The following MTRF1 variants were observed in gnomAD, a reference collection of about 807,000 sequenced individuals.
MTRF1 encodes mitochondrial translation release factor 1.
A neutral mutation model predicts 62.9 loss-of-function variants in MTRF1; 51 were observed. That is an observed-to-expected ratio of 0.81 (90% confidence interval 0.65 to 1.02). MTRF1 has a LOEUF of 1.02. Among genes scored for constraint, MTRF1 ranks in the 50% least tolerant of loss-of-function variants. The probability of loss-of-function intolerance (pLI) is 0.00; values close to 1 mark genes in which losing one functional copy is unlikely to be tolerated. For synonymous variants in MTRF1, 158 were observed against 181.9 expected (o/e 0.87, Z 1.06); for missense variants, 446 against 530.0 (o/e 0.84, Z 1.56).
the MTRF1 span, among the ~76,000 whole-genome samples, chr13:41,275,421 C>G: frequency 6.6e-6 from 1 of 151,906 alleles, no homozygotes; most frequent in East Asian, 1.9e-4. Context: ...AGGATGGCCT[C>G]CATCCCCTGA....
At chr13:41,220,603 T>C in intron 9 of MTRF1, 1 of 1,288,874 alleles carries the variant, frequency 7.8e-7, no homozygotes, top group Non-Finnish European at 1.0e-6. Context: ...GAATGTGGAA[T>C]GTGCAGGGTC....
chr13:41,228,076 G>T (rs1298126048), intron 7 of MTRF1, among the ~76,000 whole-genome samples: 2 of 152,116 alleles, frequency 1.3e-5, no homozygotes, highest in African/African-American at 4.8e-5. Flanking sequence ...ACTGATTTTT[G>T]CCTAAGCACC....
chr13:41,247,883 A>G (rs1392908279), intron 5 of MTRF1, among the ~76,000 whole-genome samples: 1 of 152,128 alleles, frequency 6.6e-6, no homozygotes, highest in Non-Finnish European at 1.5e-5. Flanking sequence ...GCATGAGCTA[A>G]AACTCATTGA....
chr13:41,240,222 G>C (rs760883164), intron 6 of MTRF1, 39 bp downstream of exon 6: 1 of 1,544,342 alleles, frequency 6.5e-7, no homozygotes. Flanking sequence ...AATACCCGTT[G>C]ACATGGAGTG....
chr13:41,268,644 A>G, the MTRF1 span, among the ~76,000 whole-genome samples: 1 of 152,228 alleles, frequency 6.6e-6, no homozygotes, highest in Non-Finnish European at 1.5e-5. Flanking sequence ...AAGGGGAAAC[A>G]AAACTTATAT....
Position 41,253,161 on chromosome 13 carries a change from C to T in MTRF1, c.508-131G>A, listed in dbSNP as rs534969077. On this transcript the variant is annotated intron_variant, in intron 3 of 9. Transcript: ENST00000379480. ...ATATAGTATCCCAAACAGGGTATTC[C>T]AAAAATGCTATAATAAGTAGAACTA... 28 of 637,864 alleles carry T rather than the reference C, an allele frequency of 4.4e-5. No homozygotes were observed. The South Asian group carries it at 6.2e-4, about 14-fold the overall frequency. 39.5% of individuals were successfully genotyped at this position (637,864 alleles called of 1,614,324 possible). A position where few individuals can be genotyped will look rare whatever the true frequency, so the allele number is the denominator to read the frequency against.
chr13:41,301,617 G>A, the MTRF1 span, among the ~76,000 whole-genome samples: 2 of 152,056 alleles, frequency 1.3e-5, no homozygotes, highest in African/African-American at 2.4e-5. Context: ...ATGTGGTGGT[G>A]GGCATCTATA....
At chr13:41,265,654 T>C (rs2040825896), upstream of MTRF1, among the ~76,000 whole-genome samples, 1 of 126,160 alleles carries the variant, frequency 7.9e-6, no homozygotes, top group South Asian at 2.9e-4. Flanking sequence ...CCAGAGATCT[T>C]GCTCACTGTC....
chr13:41,234,942 G>A (rs1380034732), intron 6 of MTRF1, among the ~76,000 whole-genome samples: 1 of 152,116 alleles, frequency 6.6e-6, no homozygotes, highest in Non-Finnish European at 1.5e-5. Context: ...TTTTAGTGGA[G>A]CAGCATCAGG....
intron 8 of MTRF1, among the ~76,000 whole-genome samples, chr13:41,223,734 G>T (rs1204556512): frequency 6.6e-6 from 1 of 152,118 alleles, no homozygotes; most frequent in Non-Finnish European, 1.5e-5. Flanking sequence ...AGTTTACTAT[G>T]CCAGGCTTTG....
chr13:41,289,775 A>T, the MTRF1 span, among the ~76,000 whole-genome samples: 9 of 152,224 alleles, frequency 5.9e-5, no homozygotes, highest in Admixed American at 2.0e-4. Context: ...TGCAGCCGGC[A>T]TTGGTCAACA....
chr13:41,270,503 T>C, the MTRF1 span, among the ~76,000 whole-genome samples: 1 of 152,174 alleles, frequency 6.6e-6, no homozygotes, highest in Non-Finnish European at 1.5e-5. Flanking sequence ...GCTTTTTTTC[T>C]CTTATACTTT....
intron 7 of MTRF1, among the ~76,000 whole-genome samples, chr13:41,232,866 C>T (rs2035832762): frequency 6.6e-6 from 1 of 152,094 alleles, no homozygotes; most frequent in African/African-American, 2.4e-5. Context: ...CTTCATTTTA[C>T]ACAACTTTTG....
chr13:41,311,624 G>A, the MTRF1 span: 1 of 1,577,160 alleles, frequency 6.3e-7, no homozygotes, highest in Non-Finnish European at 8.6e-7. Flanking sequence ...CGGTCCCCGG[G>A]TCCTCGGGCC....
the MTRF1 span, among the ~76,000 whole-genome samples, chr13:41,288,928 T>C: frequency 6.6e-6 from 1 of 152,178 alleles, no homozygotes; most frequent in African/African-American, 2.4e-5. Flanking sequence ...GACAAGAGCC[T>C]TGAAGATAGG....
upstream of MTRF1, among the ~76,000 whole-genome samples, chr13:41,268,016 G>C (rs1566205245): frequency 6.6e-6 from 1 of 152,136 alleles, no homozygotes. Flanking sequence ...GTTGGCATCA[G>C]CTATTCCACT....
At chr13:41,283,655 T>C in the MTRF1 span, among the ~76,000 whole-genome samples, 2 of 128,808 alleles carry the variant, frequency 1.6e-5, no homozygotes, top group Non-Finnish European at 3.1e-5. Context: ...AGTGGCGCGA[T>C]CTCGGCTCAC....
chr13:41,258,391 G>A (rs1278246081), intron 2 of MTRF1, among the ~76,000 whole-genome samples: 2 of 151,984 alleles, frequency 1.3e-5, no homozygotes, highest in African/African-American at 4.8e-5. Context: ...CTCAACTTCT[G>A]TATAAAAATT....
intron 5 of MTRF1, among the ~76,000 whole-genome samples, chr13:41,245,978 A>T (rs2038190983): frequency 6.6e-6 from 1 of 151,842 alleles, no homozygotes; most frequent in Admixed American, 6.6e-5. Flanking sequence ...GCCCTAGTGG[A>T]TCTGTTTTGA....
Sources: allele counts gnomAD v4.1 joint callset (sites outside exome capture counted in the v4.1 genomes callset), GRCh38; gene constraint gnomAD v4.1.1; transcripts MANE v1.5; gene names NCBI Gene and HGNC (gene_info 2026-07-23, HGNC 2026-07-21).